Variants in KCNK9 observed in about 807,000 individuals in gnomAD.
The protein encoded by KCNK9 is potassium channel subfamily K member 9.
A neutral mutation model predicts 10.8 loss-of-function variants in KCNK9; 1 was observed. The observed-to-expected ratio is 0.09, with a 90% CI of 0.03 to 0.44. The LOEUF is 0.44. Ranked by LOEUF, KCNK9 falls within the 20% of genes least tolerant of loss-of-function variation. The pLI is 0.97. For synonymous variants in KCNK9, 231 were observed against 222.7 expected (o/e 1.04, Z -0.33); for missense variants, 303 against 515.0 (o/e 0.59, Z 3.98).
At chr8:139,604,230 C>T (rs947264824) in intron 2 of KCNK9, among the ~76,000 whole-genome samples, 36 of 152,152 alleles carry the variant, frequency 2.4e-4, no homozygotes, top group Non-Finnish European at 2.2e-4. Context: ...TAGGGTAGAG[C>T]TGTGAATGAA....
At chr8:139,669,831 A>G (rs1249648353) in intron 1 of KCNK9, among the ~76,000 whole-genome samples, 1 of 152,250 alleles carries the variant, frequency 6.6e-6, no homozygotes, top group African/African-American at 2.4e-5. Context: ...TATGTCAACT[A>G]TGGCATTACA....
chr8:139,667,092 T>G (rs1034302698), intron 1 of KCNK9, among the ~76,000 whole-genome samples: 1 of 151,996 alleles, frequency 6.6e-6, no homozygotes, highest in African/African-American at 2.4e-5. Flanking sequence ...GGAACATTGC[T>G]ATGATGCAGA....
Position 139,617,762 on chromosome 8 carries a change from GCACACAGAAGCACACACACAACACA to G in KCNK9, c.*471_*495del, listed in dbSNP as rs1398600435. 6.6e-6 allele frequency among the ~76,000 whole-genome samples: 1 copy of G among 152,116 alleles called. No individual in the cohort carries two copies. Among genetic ancestry groups the G allele is most frequent in the Non-Finnish European group, 1.5e-5 (1 of 68,024 alleles). ...CTTCCCGTTTTGTCACGACACACGT[GCACACAGAAGCACACACACAACACA>G]CACACAGTCACTCAGTCCTTAGGAA... On this transcript the variant is annotated 3_prime_UTR_variant, in exon 2 of 2. Coordinates refer to ENST00000520439, the MANE Select transcript of KCNK9 (RefSeq NM_001282534.2).
At chr8:139,687,537 TACAC>T (rs746397242) in intron 1 of KCNK9, among the ~76,000 whole-genome samples, 7 of 50,914 alleles carry the variant, frequency 1.4e-4, no homozygotes, top group African/African-American at 4.4e-4. Context: ...TATATATGTA[TACAC>T]ATATATTCAT....
intron 1 of KCNK9, among the ~76,000 whole-genome samples, chr8:139,629,126 C>CT (rs1257957071): frequency 6.6e-5 from 10 of 152,264 alleles, no homozygotes; most frequent in African/African-American, 2.4e-4. Context: ...TCTTCATCCC[C>CT]TTTCTATGGA....
At chr8:139,672,084 C>A (rs1041649569) in intron 1 of KCNK9, among the ~76,000 whole-genome samples, 3 of 152,194 alleles carry the variant, frequency 2.0e-5, no homozygotes, top group Non-Finnish European at 4.4e-5. Flanking sequence ...GCAGGTGGGA[C>A]TGACCCCAGC....
At chr8:139,647,832 C>T (rs1815737829) in intron 1 of KCNK9, among the ~76,000 whole-genome samples, 1 of 152,160 alleles carries the variant, frequency 6.6e-6, no homozygotes, top group Non-Finnish European at 1.5e-5. Context: ...TCTCAGGTGG[C>T]TACCCCAGGA....
rs1816976896 is a variant in KCNK9 at position 139,693,414 on chromosome 8, A to G, written c.283+9296T>C. On this transcript the variant is annotated intron_variant, in intron 1 of 1. Coordinates refer to ENST00000520439, the MANE Select transcript of KCNK9 (RefSeq NM_001282534.2). This position sits in a 1 kb window ranked among gnomAD's most constrained non-coding sequence, Gnocchi z 4.1. ...AAAGGCTGCAGCCTGTCCTGCACCT[A>G]CCCAGTGGTCCCAAGGCACAACCAA... 6.6e-6 allele frequency among the ~76,000 whole-genome samples: 1 copy of G among 151,884 alleles called. No homozygotes were observed. The highest frequency in any genetic ancestry group is 2.4e-5 in the African/African-American group (1 of 41,346).
At chr8:139,656,959 C>A (rs986399835) in intron 1 of KCNK9, among the ~76,000 whole-genome samples, 2 of 152,196 alleles carry the variant, frequency 1.3e-5, no homozygotes, top group Non-Finnish European at 2.9e-5. Context: ...TGCAGCCTCA[C>A]CCCCCTGCAG....
chr8:139,635,452 C>T (rs1370264347), intron 1 of KCNK9, among the ~76,000 whole-genome samples: 2 of 152,222 alleles, frequency 1.3e-5, no homozygotes, highest in East Asian at 3.8e-4. Flanking sequence ...GTCATAATTA[C>T]TCTGAAATAA....
intron 1 of KCNK9, among the ~76,000 whole-genome samples, chr8:139,640,634 C>A (rs1366425569): frequency 6.6e-6 from 1 of 152,226 alleles, no homozygotes; most frequent in South Asian, 2.1e-4. Flanking sequence ...ATAACCACAA[C>A]CCCTCTTGCC....
At chr8:139,661,856 C>A (rs2129706975) in intron 1 of KCNK9, among the ~76,000 whole-genome samples, 2 of 152,328 alleles carry the variant, frequency 1.3e-5, no homozygotes, top group Middle Eastern at 3.4e-3. Context: ...TGTGGTGAGG[C>A]CTAGCCCCAG....
chr8:139,615,053 T>C (rs1172364041), downstream of KCNK9, among the ~76,000 whole-genome samples: 1 of 152,158 alleles, frequency 6.6e-6, no homozygotes, highest in Non-Finnish European at 1.5e-5. Context: ...GAGAAGGGTA[T>C]GAAAATCACT....
chr8:139,665,461 G>A (rs2129718891), intron 1 of KCNK9, among the ~76,000 whole-genome samples: 1 of 152,330 alleles, frequency 6.6e-6, no homozygotes, highest in Middle Eastern at 3.4e-3. Flanking sequence ...AAGCTCAGGT[G>A]ATCAGCAATC....
intron 1 of KCNK9, among the ~76,000 whole-genome samples, chr8:139,652,588 TC>T (rs1208660577): frequency 1.3e-5 from 2 of 152,326 alleles, no homozygotes; most frequent in Admixed American, 1.3e-4. Context: ...CTGGCGCTCC[TC>T]TAAGGGCCGG....
At chr8:139,672,884 C>T (rs532162952) in intron 1 of KCNK9, among the ~76,000 whole-genome samples, 2 of 152,330 alleles carry the variant, frequency 1.3e-5, no homozygotes, top group South Asian at 2.1e-4. Flanking sequence ...CCACCCTGCC[C>T]GGATCTTCCC....
downstream of KCNK9, among the ~76,000 whole-genome samples, chr8:139,610,209 A>G (rs938275768): frequency 6.6e-6 from 1 of 152,186 alleles, no homozygotes; most frequent in African/African-American, 2.4e-5. Flanking sequence ...TCACCTTGAC[A>G]GTAGGCACTC....
At chr8:139,670,819 G>C (rs983097033) in intron 1 of KCNK9, among the ~76,000 whole-genome samples, 1 of 152,118 alleles carries the variant, frequency 6.6e-6, no homozygotes, top group Non-Finnish European at 1.5e-5. Flanking sequence ...GTTTTTTAAC[G>C]TTAAAAACAA....
At chr8:139,694,052 G>A (rs1816994678) in intron 1 of KCNK9, among the ~76,000 whole-genome samples, 1 of 152,150 alleles carries the variant, frequency 6.6e-6, no homozygotes, top group South Asian at 2.1e-4. Context: ...CCATCCATTG[G>A]ATGGTAGGAG....
Sources: gnomAD v4.1 joint callset for allele counts (sites outside exome capture counted in the v4.1 genomes callset) on GRCh38, gnomAD v4.1.1 for gene constraint, Gnocchi (gnomAD v3.1) non-coding constraint, MANE v1.5 for transcripts, NCBI Gene and HGNC (gene_info 2026-07-23, HGNC 2026-07-21) for gene names.